The following NEB variants were observed in gnomAD, a reference collection of about 807,000 sequenced individuals.
The protein encoded by NEB is nemaline myopathy type 2.
Under a neutral mutation model 952.2 loss-of-function variants are expected in NEB, and 512 were observed. The observed-to-expected ratio is 0.54, with a 90% CI of 0.50 to 0.58. NEB has a LOEUF of 0.58. Ranked by LOEUF, NEB falls within the 20% of genes least tolerant of loss-of-function variation. The pLI is 0.00. For missense variants in NEB, 8,428 were observed against 9,231.1 expected (o/e 0.91, Z 3.56); for synonymous variants, 2,900 against 3,149.8 (o/e 0.92, Z 2.66).
chr2:151,650,532 T>C, intron 53 of NEB, 42 bp downstream of exon 53: 1 of 1,506,356 alleles, frequency 6.6e-7, no homozygotes, highest in Non-Finnish European at 8.9e-7. Context: ...TCATATAAAA[T>C]ATGAATTAAT....
At chr2:151,688,082 A>T (rs886505926) in intron 25 of NEB, among the ~76,000 whole-genome samples, 1 of 152,224 alleles carries the variant, frequency 6.6e-6, no homozygotes, top group African/African-American at 2.4e-5. Flanking sequence ...GGGTAATTGG[A>T]GATCTTCTGA....
Position 151,609,829 on chromosome 2 carries a change from C to A in NEB, c.12310G>T (p.Ala4104Ser), listed in dbSNP as rs1179515949. 2.5e-6 allele frequency: 4 copies of A among 1,594,704 alleles called. No homozygotes were observed. The highest frequency in any genetic ancestry group is 1.7e-4 in the Middle Eastern group (1 of 5,960). The change falls in exon 81 of 182, where the codon GCC becomes TCC. Residue 4104 changes from alanine (A) to serine (S), a missense_variant. This residue lies in a region of NEB where 337 missense variants were observed against 297.5 expected (regional missense o/e 1.13). Coordinates refer to ENST00000397345, the MANE Select transcript of NEB (RefSeq NM_001164508.2). ...DQNDIIQAKK[A>S]YDLQSDSVYK... ...CGTACATCACTCTGCAGGTCATAGG[C>A]CTTTTTTGCTTGGATAATGTCGTTT...
At position 151,492,153 on chromosome 2, in the gene NEB, C is replaced by G; in HGVS notation, c.25002G>C (p.Arg8334Ser). 1 of 1,613,924 alleles carries G rather than the reference C, an allele frequency of 6.2e-7. No homozygotes were observed. Among genetic ancestry groups the G allele is most frequent in the Non-Finnish European group, 8.5e-7 (1 of 1,179,874 alleles). Residue 8334 changes from arginine (R) to serine (S), a missense_variant, in exon 178 of 182, where the codon AGG (arginine) becomes AGC (serine). By Grantham distance (110) the Arg-to-Ser change is moderately radical. This residue lies in a region of NEB where 3,374 missense variants were observed against 3,651.5 expected (regional missense o/e 0.92). Transcript: ENST00000397345. ...GTTTTTGTTCCATTTCTACCACTTT[C>G]CTCTGAATACCTCGGTAGTTAATGT... is the stretch of plus-strand genomic sequence containing the variant. ...FSDINYRGIQ[R>S]KVVEMEQKRN...
intron 136 of NEB, 28 bp from the exon 137 acceptor site, chr2:151,540,829 A>T: frequency 1.3e-6 from 2 of 1,546,338 alleles, no homozygotes; most frequent in Non-Finnish European, 1.8e-6. Flanking sequence ...GTGAGGTGTC[A>T]TAGAGATAAA....
chr2:151,530,836 A>G (rs1033302152), intron 145 of NEB, 158 bp downstream of exon 145: 20 of 581,440 alleles, frequency 3.4e-5, no homozygotes, highest in East Asian at 3.1e-4. Flanking sequence ...GTGTCCAGTC[A>G]ACTTACCGAA....
intron 145 of NEB, 46 bp downstream of exon 145, chr2:151,530,945 TAGA>T (rs745679694): frequency 7.9e-7 from 1 of 1,261,940 alleles, no homozygotes; most frequent in South Asian, 1.3e-5. Flanking sequence ...TACATCTCAT[TAGA>T]AGGAGGCCAA....
In NEB at chr2:151,642,653, G is replaced by A. The variant is rs764825445; in HGVS notation, c.8294C>T (p.Ala2765Val). 5 of 1,613,892 alleles carry A rather than the reference G, an allele frequency of 3.1e-6. No individual in the cohort carries two copies. The South Asian group carries it at 3.3e-5, about 11-fold the overall frequency. The change falls in exon 60 of 182, where the codon GCC becomes GTC. Residue 2765 changes from alanine to valine, a missense_variant. Coordinates refer to ENST00000397345, the MANE Select transcript of NEB (RefSeq NM_001164508.2). ...EKLYKLGLEE[A>V]KRKGYDMRVD... Reference sequence around the variant, plus strand: ...CCGCATGTCATAACCTTTCCTCTTGGCTTCTTCTAGGCCAAGCTTATACAA... The same window carrying A: ...CCGCATGTCATAACCTTTCCTCTTGACTTCTTCTAGGCCAAGCTTATACAA...
Position 151,665,469 on chromosome 2 carries a change from AC to A in NEB, c.5101del (p.Val1701TrpfsTer23), listed in dbSNP as rs2099203354. The A allele has an allele frequency of 6.2e-7, 1 of 1,611,250 alleles. No individual in the cohort carries two copies. Among genetic ancestry groups the A allele is most frequent in the South Asian group, 1.1e-5 (1 of 90,552 alleles). ...CTCTCCTGCTTTCTTTGCCTTCTCC[AC>A]CTCCAGGGACTCTATGGGCACCCAG... ...IGWVPIESLEVEKAKKAGEIL... is the reference protein window; with the variant it reads ...IGWVPIESLEXEKAKKAGEIL... On this transcript the variant is annotated frameshift_variant, in exon 42 of 182. Coordinates refer to ENST00000397345, the MANE Select transcript of NEB (RefSeq NM_001164508.2). LOFTEE classifies it high-confidence loss of function.
chr2:151,681,106 C>T (rs928396050), intron 29 of NEB, among the ~76,000 whole-genome samples: 3 of 152,150 alleles, frequency 2.0e-5, no homozygotes, highest in Non-Finnish European at 4.4e-5. Context: ...TGACATGAAA[C>T]AAGACACCCT....
rs6433569 is a variant in NEB, at chr2:151,695,548, A to C, written c.1674+30T>G. ...ACATAAAAGCACAGGTTGTCAGTACATCACATGGTACAGGGCATAAGGAAC... is the reference window on the plus strand; with the variant it reads ...ACATAAAAGCACAGGTTGTCAGTACCTCACATGGTACAGGGCATAAGGAAC... On this transcript the variant is annotated intron_variant, in intron 18 of 181. Coordinates refer to ENST00000397345, the MANE Select transcript of NEB (RefSeq NM_001164508.2). 1,170,773 of 1,526,238 alleles carry C rather than the reference A, an allele frequency of 0.77. 468,528 individuals are homozygous for C. The highest frequency in any genetic ancestry group is 0.82 in the Admixed American group (48,099 of 58,310). 94.5% of individuals were successfully genotyped at this position (1,526,238 alleles called of 1,614,324 possible).
At chr2:151,490,896 A>G (rs998285671) in intron 179 of NEB, among the ~76,000 whole-genome samples, 1 of 152,248 alleles carries the variant, frequency 6.6e-6, no homozygotes, top group Non-Finnish European at 1.5e-5. Context: ...AAATCAATTT[A>G]GAGTCTTTCT....
At chr2:151,618,652 C>T (rs1573900282) in intron 73 of NEB, among the ~76,000 whole-genome samples, 174 bp from the exon 74 acceptor site, 2 of 151,990 alleles carry the variant, frequency 1.3e-5, no homozygotes, top group East Asian at 3.9e-4. Flanking sequence ...TTTTTCTGAG[C>T]GTTTTTTTGG....
chr2:151,508,536 T>C (rs1208634398), intron 161 of NEB, among the ~76,000 whole-genome samples: 1 of 152,130 alleles, frequency 6.6e-6, no homozygotes, highest in African/African-American at 2.4e-5. Flanking sequence ...GTCAAAGACA[T>C]GACCTCTAGA....
chr2:151,563,778 C>G, intron 118 of NEB, 45 bp downstream of exon 118: 1 of 1,607,580 alleles, frequency 6.2e-7, no homozygotes, highest in South Asian at 1.1e-5. Flanking sequence ...CCCTTGATCC[C>G]CAGTAAAGAC....
At chr2:151,538,305 T>C (rs1322454543) in intron 138 of NEB, 61 bp from the exon 139 acceptor site, 2 of 1,248,918 alleles carry the variant, frequency 1.6e-6, no homozygotes, top group East Asian at 4.6e-5. Context: ...ATTGAGCTCT[T>C]TTAAGCATGA....
At chr2:151,615,753 C>T (rs929252313) in intron 76 of NEB, 1 of 346,378 alleles carries the variant, frequency 2.9e-6, no homozygotes, top group East Asian at 5.3e-5. Flanking sequence ...AAAATATGAA[C>T]CCATTTTTGG....
chr2:151,578,902 C>A (rs1305527759), intron 105 of NEB, among the ~76,000 whole-genome samples: 1 of 151,380 alleles, frequency 6.6e-6, no homozygotes, highest in Non-Finnish European at 1.5e-5. Context: ...GCCAAGATGG[C>A]AAAGACCTGT....
chr2:151,697,796 G>A (rs2099606808), intron 13 of NEB, 148 bp from the exon 14 acceptor site: 1 of 612,964 alleles, frequency 1.6e-6, no homozygotes, highest in Non-Finnish European at 2.8e-6. Context: ...GCCAGGTGCG[G>A]CGGCTCACGC....
chr2:151,721,282 T>C (rs1011404829), intron 9 of NEB, among the ~76,000 whole-genome samples: 1 of 152,204 alleles, frequency 6.6e-6, no homozygotes, highest in Non-Finnish European at 1.5e-5. Flanking sequence ...CGCTCCAAAA[T>C]CTTATGATGC....
Sources: allele counts gnomAD v4.1 joint callset (sites outside exome capture counted in the v4.1 genomes callset), GRCh38; gene constraint gnomAD v4.1.1; regional missense constraint gnomAD v4.1.1; transcripts MANE v1.5; gene names NCBI Gene and HGNC (gene_info 2026-07-23, HGNC 2026-07-21).